The following CGNL1 variants were observed in gnomAD, a reference collection of about 807,000 sequenced individuals.
CGNL1 encodes the protein cingulin-like protein 1.
Under a neutral mutation model 141.2 loss-of-function variants are expected in CGNL1, and 132 were observed. The ratio of observed to expected loss-of-function variants is 0.93; its 90% CI spans 0.81 to 1.08. The LOEUF (loss-of-function observed/expected upper bound fraction) is 1.08. CGNL1 is among the 50% of genes least tolerant of loss of function. The pLI is 0.00. For synonymous variants in CGNL1, 690 were observed against 622.1 expected, an observed-to-expected ratio of 1.11 and a Z score of -1.63; for missense variants, 1,870 against 1,588.6, an observed-to-expected ratio of 1.18 and a Z score of -3.01.
At chr15:57,390,971 A>G (rs1212433328) in intron 1 of CGNL1, among the ~76,000 whole-genome samples, 1 of 152,026 alleles carries the variant, frequency 6.6e-6, no homozygotes, top group Non-Finnish European at 1.5e-5. Flanking sequence ...CACCTGTAAT[A>G]GTCAGTGACA....
intron 1 of CGNL1, among the ~76,000 whole-genome samples, chr15:57,428,392 T>C (rs2063003767): frequency 6.6e-6 from 1 of 152,172 alleles, no homozygotes; most frequent in Non-Finnish European, 1.5e-5. Context: ...TTTACACATC[T>C]CTAAAGTGGA....
At chr15:57,496,928 G>T (rs1314225515) in intron 8 of CGNL1, among the ~76,000 whole-genome samples, 2 of 152,216 alleles carry the variant, frequency 1.3e-5, no homozygotes, top group Non-Finnish European at 1.5e-5. Flanking sequence ...AGAGCCAGGG[G>T]CCAGGCACAG....
chr15:57,515,653 T>G (rs2030713133), intron 8 of CGNL1, among the ~76,000 whole-genome samples: 1 of 152,140 alleles, frequency 6.6e-6, no homozygotes, highest in Non-Finnish European at 1.5e-5. Context: ...TCACTTCAAA[T>G]TGCTAAACCG....
chr15:57,544,147 G>T (rs2140246240), intron 15 of CGNL1, among the ~76,000 whole-genome samples: 1 of 152,336 alleles, frequency 6.6e-6, no homozygotes, highest in Middle Eastern at 3.4e-3. Flanking sequence ...GACTGGCAAA[G>T]GAGCCTATTT....
chr15:57,525,002 G>C (rs1244612303), intron 12 of CGNL1, among the ~76,000 whole-genome samples: 2 of 152,108 alleles, frequency 1.3e-5, no homozygotes, highest in Non-Finnish European at 2.9e-5. Context: ...ATAATTTTTT[G>C]CCTAAAATGT....
chr15:57,506,790 T>C (rs551808014), intron 8 of CGNL1, among the ~76,000 whole-genome samples: 2 of 152,330 alleles, frequency 1.3e-5, no homozygotes, highest in East Asian at 3.9e-4. Flanking sequence ...TCTGAAACAT[T>C]GCTAGGTGCT....
intron 8 of CGNL1, among the ~76,000 whole-genome samples, chr15:57,472,014 G>T (rs368583527): frequency 5.9e-5 from 9 of 152,114 alleles, no homozygotes; most frequent in East Asian, 3.9e-4. Flanking sequence ...GAGGCAGGAA[G>T]ATCACTTGCG....
chr15:57,415,128 G>C (rs1664437), intron 1 of CGNL1, among the ~76,000 whole-genome samples: 152,100 of 152,328 alleles, frequency 1, 75,936 homozygotes, highest in Middle Eastern at 1. Flanking sequence ...TCTCAGCTTC[G>C]GTCTGAACAT....
In CGNL1 at chr15:57,417,987, G is replaced by A. The variant is rs182352649; in HGVS notation, c.-15-19998G>A. Among the ~76,000 whole-genome samples the A allele has an allele frequency of 3.9e-5, 6 of 152,234 alleles. No individual in the cohort carries two copies. In the East Asian group the frequency reaches 7.7e-4, roughly 20 times the overall value. Reference sequence around the variant, plus strand: ...TTGACTTTGCATACGAACAGGGGTGGAGGTGGCTTGAGCCTTTGGGGGTTG... The same window carrying A: ...TTGACTTTGCATACGAACAGGGGTGAAGGTGGCTTGAGCCTTTGGGGGTTG... On this transcript the variant is annotated intron_variant, in intron 1 of 18. Coordinates refer to ENST00000281282, the MANE Select transcript of CGNL1 (RefSeq NM_032866.5).
chr15:57,382,903 A>T (rs1263812708), intron 1 of CGNL1, among the ~76,000 whole-genome samples: 1 of 152,226 alleles, frequency 6.6e-6, no homozygotes, highest in African/African-American at 2.4e-5. Flanking sequence ...ATTACAAAAG[A>T]AAAGGAAATG....
chr15:57,412,336 G>T (rs1037471799), intron 1 of CGNL1, among the ~76,000 whole-genome samples: 1 of 152,156 alleles, frequency 6.6e-6, no homozygotes, highest in African/African-American at 2.4e-5. Flanking sequence ...ATAAGATCTG[G>T]AGAAAACCCT....
At chr15:57,472,455 T>C (rs2063594603) in intron 8 of CGNL1, among the ~76,000 whole-genome samples, 1 of 152,070 alleles carries the variant, frequency 6.6e-6, no homozygotes, top group Admixed American at 6.6e-5. Flanking sequence ...GTGTAGTGTT[T>C]TTGTGGGGGA....
intron 8 of CGNL1, among the ~76,000 whole-genome samples, chr15:57,488,698 A>G (rs1368061497): frequency 6.6e-6 from 1 of 152,222 alleles, no homozygotes; most frequent in African/African-American, 2.4e-5. Context: ...GAACCTTTCG[A>G]GTGCACAGCT....
At chr15:57,431,713 C>T (rs113146200) in intron 1 of CGNL1, among the ~76,000 whole-genome samples, 1 of 142,974 alleles carries the variant, frequency 7.0e-6, no homozygotes, top group African/African-American at 2.6e-5. Flanking sequence ...ATTCTTAAAA[C>T]ATTTTGAGTT....
intron 10 of CGNL1, among the ~76,000 whole-genome samples, chr15:57,522,584 C>T (rs1471651765): frequency 1.3e-5 from 2 of 152,156 alleles, no homozygotes; most frequent in African/African-American, 2.4e-5. Flanking sequence ...TTGCTCTGTT[C>T]CGAGTTGTGC....
At chr15:57,502,684 T>A (rs2064042641) in intron 8 of CGNL1, among the ~76,000 whole-genome samples, 1 of 152,198 alleles carries the variant, frequency 6.6e-6, no homozygotes, top group African/African-American at 2.4e-5. Context: ...AGGCAGTGAT[T>A]ATTTAGATTT....
At chr15:57,432,445 A>C (rs1412860674) in intron 1 of CGNL1, among the ~76,000 whole-genome samples, 1 of 152,146 alleles carries the variant, frequency 6.6e-6, no homozygotes, top group Non-Finnish European at 1.5e-5. Context: ...TTACAAACAC[A>C]CTCGCTGATC....
intron 8 of CGNL1, among the ~76,000 whole-genome samples, chr15:57,481,971 G>A (rs2063732026): frequency 6.6e-6 from 1 of 152,124 alleles, no homozygotes; most frequent in Non-Finnish European, 1.5e-5. Context: ...AGGTATATGT[G>A]ATATTATATT....
At chr15:57,466,661 T>G (rs1200512487) in intron 8 of CGNL1, among the ~76,000 whole-genome samples, 1 of 152,152 alleles carries the variant, frequency 6.6e-6, no homozygotes, top group African/African-American at 2.4e-5. Context: ...AGTAAATGTT[T>G]GTGGGTTAGA....
Sources: gnomAD v4.1 joint callset for allele counts (sites outside exome capture counted in the v4.1 genomes callset) on GRCh38, gnomAD v4.1.1 for gene constraint, MANE v1.5 for transcripts, NCBI Gene and HGNC (gene_info 2026-07-23, HGNC 2026-07-21) for gene names.